MAGI3: variants seen among roughly 807,000 people sequenced by gnomAD.
MAGI3 encodes the protein membrane-associated guanylate kinase, WW and PDZ domain-containing protein 3.
Under a neutral mutation model 121.8 loss-of-function variants are expected in MAGI3, and 43 were observed. The observed-to-expected ratio is 0.35, with a 90% CI of 0.28 to 0.46. The LOEUF (loss-of-function observed/expected upper bound fraction) is 0.46, where lower values mean the gene tolerates loss of function less well. Among genes scored for constraint, MAGI3 ranks in the 20% least tolerant of loss-of-function variants. The pLI is 1.00. For missense variants in MAGI3, 1,547 were observed against 1,797.3 expected (o/e 0.86, Z 2.52); for synonymous variants, 553 against 639.3 (o/e 0.86, Z 2.04).
intron 1 of MAGI3, among the ~76,000 whole-genome samples, chr1:113,515,871 G>A (rs951189874): frequency 6.6e-6 from 1 of 152,086 alleles, no homozygotes; most frequent in Non-Finnish European, 1.5e-5. Context: ...CACAGAGGTA[G>A]GCATGTGCAG....
intron 12 of MAGI3, among the ~76,000 whole-genome samples, chr1:113,647,558 A>T (rs1390533722): frequency 6.6e-6 from 1 of 152,210 alleles, no homozygotes; most frequent in African/African-American, 2.4e-5. Context: ...TCACTTACTA[A>T]TGATAAATCT....
intron 1 of MAGI3, among the ~76,000 whole-genome samples, chr1:113,472,025 G>T (rs1655558658): frequency 6.6e-6 from 1 of 152,052 alleles, no homozygotes; most frequent in Admixed American, 6.6e-5. Flanking sequence ...ATTACATAAT[G>T]ACTTTTGTCT....
At chr1:113,486,584 A>G (rs900735775) in intron 1 of MAGI3, among the ~76,000 whole-genome samples, 5 of 151,196 alleles carry the variant, frequency 3.3e-5, no homozygotes, top group African/African-American at 9.7e-5. Context: ...CTTACTATGT[A>G]TATTTTGATG....
intron 1 of MAGI3, among the ~76,000 whole-genome samples, chr1:113,426,989 T>C (rs1390833717): frequency 6.6e-6 from 1 of 151,988 alleles, no homozygotes; most frequent in Non-Finnish European, 1.5e-5. Flanking sequence ...TATGTCTCTC[T>C]CCCCCCTCTC....
At chr1:113,418,610 A>G (rs1652576243) in intron 1 of MAGI3, among the ~76,000 whole-genome samples, 1 of 152,064 alleles carries the variant, frequency 6.6e-6, no homozygotes, top group Non-Finnish European at 1.5e-5. Flanking sequence ...TAATTTATAA[A>G]TATGCCATCT....
chr1:113,445,779 A>G (rs1654148216), intron 1 of MAGI3, among the ~76,000 whole-genome samples: 1 of 152,198 alleles, frequency 6.6e-6, no homozygotes, highest in Non-Finnish European at 1.5e-5. Context: ...CTATCAGCCA[A>G]TAATTCTATG....
At chr1:113,418,972 G>A (rs1652596789) in intron 1 of MAGI3, among the ~76,000 whole-genome samples, 1 of 151,944 alleles carries the variant, frequency 6.6e-6, no homozygotes, top group Non-Finnish European at 1.5e-5. Flanking sequence ...CTACATCATT[G>A]TTTTCCTGGA....
chr1:113,664,090 A>G (rs764665282), intron 16 of MAGI3, among the ~76,000 whole-genome samples: 21 of 152,200 alleles, frequency 1.4e-4, no homozygotes, highest in Middle Eastern at 3.2e-3. Flanking sequence ...TCTGAATACT[A>G]GACCTTTATC....
intron 17 of MAGI3, among the ~76,000 whole-genome samples, chr1:113,672,297 G>T (rs1310979705): frequency 6.6e-6 from 1 of 152,188 alleles, no homozygotes; most frequent in Admixed American, 6.5e-5. Flanking sequence ...CTGCAGGAGA[G>T]CCATTTTTCA....
In MAGI3 at chr1:113,409,814, T is replaced by C. The variant is rs1263385467; in HGVS notation, c.316+18465T>C. 2.0e-5 allele frequency among the ~76,000 whole-genome samples: 3 copies of C among 152,126 alleles called. No homozygotes were observed. The East Asian group carries it at 5.8e-4, about 29-fold the overall frequency. ...GGTGTCAGGAAAGTTATTTGATTAATCTGTTCTATACTAGGTTATACTATA... is the reference window on the plus strand; with the variant it reads ...GGTGTCAGGAAAGTTATTTGATTAACCTGTTCTATACTAGGTTATACTATA... On this transcript the variant is annotated intron_variant, in intron 1 of 20. Transcript: ENST00000307546.
At chr1:113,580,015 C>T (rs1167413706) in intron 2 of MAGI3, among the ~76,000 whole-genome samples, 1 of 152,018 alleles carries the variant, frequency 6.6e-6, no homozygotes, top group Non-Finnish European at 1.5e-5. Context: ...CACCTTGAAG[C>T]TGAAAGATTG....
intron 1 of MAGI3, among the ~76,000 whole-genome samples, chr1:113,420,064 A>G (rs1454291962): frequency 6.6e-6 from 1 of 152,194 alleles, no homozygotes; most frequent in African/African-American, 2.4e-5. Flanking sequence ...ACAGAGACAG[A>G]TTTGTACTCA....
At chr1:113,605,850 G>A (rs868265575) in intron 6 of MAGI3, among the ~76,000 whole-genome samples, 7 of 151,996 alleles carry the variant, frequency 4.6e-5, no homozygotes, top group Middle Eastern at 3.4e-3. Context: ...CGCCTGCCTC[G>A]GCCTCCCAAA....
chr1:113,627,173 A>G (rs915099624), intron 9 of MAGI3, among the ~76,000 whole-genome samples: 1 of 151,984 alleles, frequency 6.6e-6, no homozygotes, highest in Non-Finnish European at 1.5e-5. Context: ...TTTCCTTCTT[A>G]ATTCCTTTAT....
intron 1 of MAGI3, among the ~76,000 whole-genome samples, chr1:113,525,642 T>C (rs1294191998): frequency 6.6e-6 from 1 of 151,890 alleles, no homozygotes; most frequent in African/African-American, 2.4e-5. Flanking sequence ...ACTAATGTGG[T>C]TTAATTAATT....
chr1:113,439,137 G>A (rs973267458), intron 1 of MAGI3, among the ~76,000 whole-genome samples: 3 of 152,166 alleles, frequency 2.0e-5, no homozygotes, highest in African/African-American at 7.2e-5. Flanking sequence ...TAATGAGTGA[G>A]GAGCATATAC....
In MAGI3 at chr1:113,646,500, G is replaced by A; in HGVS notation, c.2013G>A (p.Lys671=). The A allele has an allele frequency of 6.3e-7, 1 of 1,592,504 alleles. No homozygotes were observed. Among genetic ancestry groups the A allele is most frequent in the Non-Finnish European group, 8.5e-7 (1 of 1,172,520 alleles). The change falls in exon 12 of 21, where the codon AAG becomes AAA. Residue 671 remains lysine, a synonymous_variant. Transcript: ENST00000307546. ...TKTAKMKTDK[K]ENAGSLEAIN... is the part of the protein sequence containing the mutation. ...TTCCATTTCAGAAAACAGATAAAAA[G>A]GAAAATGCAGGAAGTTTGGAGGCCA...
intron 9 of MAGI3, among the ~76,000 whole-genome samples, chr1:113,637,597 C>T (rs1243904175): frequency 6.6e-6 from 1 of 152,214 alleles, no homozygotes; most frequent in African/African-American, 2.4e-5. Flanking sequence ...GCCAAGAGAT[C>T]CACTGTTAGT....
intron 1 of MAGI3, among the ~76,000 whole-genome samples, chr1:113,513,177 A>G (rs1168029608): frequency 1.3e-5 from 2 of 152,228 alleles, no homozygotes; most frequent in African/African-American, 2.4e-5. Context: ...GGAAGAATCA[A>G]TATCGTGAAA....
Sources: allele counts gnomAD v4.1 joint callset (sites outside exome capture counted in the v4.1 genomes callset), GRCh38; gene constraint gnomAD v4.1.1; transcripts MANE v1.5; gene names NCBI Gene and HGNC (gene_info 2026-07-23, HGNC 2026-07-21).